The following ANO3 variants were observed in gnomAD, a reference collection of about 807,000 sequenced individuals.
ANO3 encodes the protein anoctamin-3.
Under a neutral mutation model 144.8 loss-of-function variants are expected in ANO3, and 99 were observed. The observed-to-expected ratio is 0.68, with a 90% CI of 0.58 to 0.81. The LOEUF (loss-of-function observed/expected upper bound fraction) is 0.81, where lower values mean the gene tolerates loss of function less well. Ranked by LOEUF, ANO3 falls within the 30% of genes least tolerant of loss-of-function variation. The pLI is 0.00. For synonymous variants in ANO3, 414 were observed against 392.6 expected (o/e 1.05, Z -0.64); for missense variants, 905 against 1,202.2 (o/e 0.75, Z 3.66).
At chr11:26,272,978 A>C (rs1346925783) in intron 1 of ANO3, among the ~76,000 whole-genome samples, 1 of 152,152 alleles carries the variant, frequency 6.6e-6, no homozygotes, top group Non-Finnish European at 1.5e-5. Flanking sequence ...TTTATCAAGC[A>C]CCTTGGAAGC....
chr11:26,571,561 A>C (rs1850828478), intron 14 of ANO3, among the ~76,000 whole-genome samples: 1 of 152,112 alleles, frequency 6.6e-6, no homozygotes, highest in Admixed American at 6.6e-5. Context: ...AATCTATTTT[A>C]TTAGAAGATT....
At chr11:26,364,213 G>A (rs879578846) in intron 1 of ANO3, among the ~76,000 whole-genome samples, 8 of 152,056 alleles carry the variant, frequency 5.3e-5, no homozygotes, top group Non-Finnish European at 1.0e-4. Flanking sequence ...GTTCCATATA[G>A]AATGGGCCTG....
intron 1 of ANO3, among the ~76,000 whole-genome samples, chr11:26,408,898 T>C (rs1159743003): frequency 1.3e-5 from 2 of 151,110 alleles, no homozygotes; most frequent in African/African-American, 4.9e-5. Context: ...CACCACATGT[T>C]CTCACTCATA....
chr11:26,516,793 T>G, intron 5 of ANO3, 34 bp from the exon 6 acceptor site: 5 of 1,455,756 alleles, frequency 3.4e-6, no homozygotes, highest in Non-Finnish European at 4.8e-6. Flanking sequence ...GCTCTGATTC[T>G]AAATAATGTT....
At chr11:26,257,805 A>T (rs1853094146) in intron 1 of ANO3, among the ~76,000 whole-genome samples, 1 of 152,092 alleles carries the variant, frequency 6.6e-6, no homozygotes, top group Non-Finnish European at 1.5e-5. Context: ...GACAAATCAT[A>T]AAGAATAAGG....
chr11:26,339,150 C>A (rs1277686006), intron 1 of ANO3, among the ~76,000 whole-genome samples: 1 of 151,510 alleles, frequency 6.6e-6, no homozygotes, highest in Non-Finnish European at 1.5e-5. Context: ...CTCCAAAGTC[C>A]ACTTTTTTTT....
chr11:26,541,642 T>C (rs200291806), intron 10 of ANO3, among the ~76,000 whole-genome samples: 1 of 13,274 alleles, frequency 7.5e-5, no homozygotes, highest in African/African-American at 1.7e-4. Context: ...GGTGAAGATA[T>C]TGTGTTTATT....
At chr11:26,587,449 C>T (rs1851318735) in intron 14 of ANO3, among the ~76,000 whole-genome samples, 1 of 152,170 alleles carries the variant, frequency 6.6e-6, no homozygotes, top group South Asian at 2.1e-4. Context: ...TTTCTCCTTT[C>T]CAAGGCTGGT....
At chr11:26,207,685 G>T (rs983487843) in intron 1 of ANO3, among the ~76,000 whole-genome samples, 1 of 138,790 alleles carries the variant, frequency 7.2e-6, no homozygotes, top group Non-Finnish European at 1.6e-5. Flanking sequence ...AGCAAAGTGG[G>T]ATTTTTAAAA....
rs186818287 is a variant in ANO3 at position 26,618,792 on chromosome 11, G to A, written c.1837-5670G>A. On this transcript the variant is annotated intron_variant, in intron 17 of 26. Transcript: ENST00000256737. ...TGTCTCTTTCTCCACAGTGCTTCCTGTGTCTGGAATGCCATTCTTAATTTG... is the reference window on the plus strand; with the variant it reads ...TGTCTCTTTCTCCACAGTGCTTCCTATGTCTGGAATGCCATTCTTAATTTG... 5.3e-3 allele frequency among the ~76,000 whole-genome samples: 803 copies of A among 152,178 alleles called. 8 individuals are homozygous for A. Among genetic ancestry groups the A allele is most frequent in the African/African-American group, 0.018 (767 of 41,504 alleles).
intron 5 of ANO3, among the ~76,000 whole-genome samples, chr11:26,509,089 A>ATC (rs1263869750): frequency 1.1e-4 from 10 of 88,234 alleles, no homozygotes; most frequent in Middle Eastern, 6.8e-3. Flanking sequence ...ATATACACAC[A>ATC]TCTATCTCTC....
chr11:26,643,891 C>T (rs1166464740), intron 23 of ANO3, among the ~76,000 whole-genome samples: 4 of 152,158 alleles, frequency 2.6e-5, no homozygotes, highest in Non-Finnish European at 5.9e-5. Context: ...TGTGAGGACA[C>T]AGCGTTTGTC....
chr11:26,246,344 A>T (rs1488958262), intron 1 of ANO3, among the ~76,000 whole-genome samples: 1 of 151,866 alleles, frequency 6.6e-6, no homozygotes, highest in Non-Finnish European at 1.5e-5. Context: ...TTTGTACTCC[A>T]ATCAGCAGTG....
At chr11:26,257,183 C>T (rs1256547770) in intron 1 of ANO3, among the ~76,000 whole-genome samples, 1 of 151,918 alleles carries the variant, frequency 6.6e-6, no homozygotes, top group African/African-American at 2.4e-5. Flanking sequence ...TGTACATATG[C>T]ATATATGTAC....
upstream of ANO3, chr11:26,331,967 T>G (rs1855054450): frequency 3.6e-6 from 2 of 559,134 alleles, no homozygotes; most frequent in Admixed American, 6.4e-5. Flanking sequence ...AGTAAAGTCT[T>G]CTGCTCCCAC....
At chr11:26,413,859 A>G (rs1001654385) in intron 1 of ANO3, among the ~76,000 whole-genome samples, 8 of 152,120 alleles carry the variant, frequency 5.3e-5, no homozygotes, top group African/African-American at 1.7e-4. Context: ...TGGCAGCTTT[A>G]CACTGGCAGA....
intron 14 of ANO3, among the ~76,000 whole-genome samples, chr11:26,574,712 T>A (rs2132840162): frequency 6.6e-6 from 1 of 152,296 alleles, no homozygotes; most frequent in Non-Finnish European, 1.5e-5. Flanking sequence ...TTCTCATAAA[T>A]GCTAATGGTT....
chr11:26,495,348 G>C (rs1344296122), intron 4 of ANO3, among the ~76,000 whole-genome samples: 1 of 149,192 alleles, frequency 6.7e-6, no homozygotes, highest in Non-Finnish European at 1.5e-5. Flanking sequence ...GGGCTCATGA[G>C]ATCTCCTGCC....
intron 10 of ANO3, among the ~76,000 whole-genome samples, chr11:26,539,617 C>T (rs866593010): frequency 5.3e-5 from 8 of 152,110 alleles, no homozygotes; most frequent in Non-Finnish European, 1.0e-4. Context: ...ATCCACATGT[C>T]TCTCATGGCA....
Sources: gnomAD v4.1 joint callset for allele counts (sites outside exome capture counted in the v4.1 genomes callset) on GRCh38, gnomAD v4.1.1 for gene constraint, MANE v1.5 for transcripts, NCBI Gene and HGNC (gene_info 2026-07-23, HGNC 2026-07-21) for gene names.